Variants in VPS13B observed in about 807,000 individuals in gnomAD.
VPS13B encodes intermembrane lipid transfer protein VPS13B.
In VPS13B, 285 loss-of-function variants were observed where a neutral mutation model predicts 426.4. That is an observed-to-expected ratio of 0.67 (90% CI 0.61 to 0.74). VPS13B has a LOEUF of 0.74. Among genes scored for constraint, VPS13B ranks in the 30% least tolerant of loss-of-function variants. VPS13B has a pLI of 0.00. For missense variants in VPS13B, 4,537 were observed against 4,782.6 expected (o/e 0.95, Z 1.51); for synonymous variants, 1,676 against 1,676.4 (o/e 1.00, Z 0.01).
At chr8:99,240,068 A>G (rs1337616909) in intron 17 of VPS13B, among the ~76,000 whole-genome samples, 1 of 152,130 alleles carries the variant, frequency 6.6e-6, no homozygotes, top group East Asian at 1.9e-4. Context: ...CTTGATTACT[A>G]ACTCTTTGAC....
intron 21 of VPS13B, among the ~76,000 whole-genome samples, chr8:99,423,601 C>T (rs1429167311): frequency 1.3e-5 from 2 of 151,908 alleles, no homozygotes; most frequent in Non-Finnish European, 2.9e-5. Flanking sequence ...TATAAATTGC[C>T]CTCTGTTGCA....
chr8:99,312,324 G>A (rs1302026108), intron 19 of VPS13B, among the ~76,000 whole-genome samples: 1 of 152,178 alleles, frequency 6.6e-6, no homozygotes, highest in South Asian at 2.1e-4. Flanking sequence ...TCCTTTCCAT[G>A]TTTATTGCTT....
intron 39 of VPS13B, among the ~76,000 whole-genome samples, chr8:99,725,045 C>T (rs1259446664): frequency 1.3e-5 from 2 of 152,178 alleles, no homozygotes; most frequent in East Asian, 3.8e-4. Flanking sequence ...AATTCCTCCC[C>T]ACACTTCAGA....
At chr8:99,424,907 C>T (rs536865273) in intron 21 of VPS13B, among the ~76,000 whole-genome samples, 1 of 152,248 alleles carries the variant, frequency 6.6e-6, no homozygotes, top group East Asian at 1.9e-4. Context: ...CACAGAAATA[C>T]ACACTACCAT....
chr8:99,606,194 C>T (rs1252595883), intron 33 of VPS13B, among the ~76,000 whole-genome samples: 1 of 152,134 alleles, frequency 6.6e-6, no homozygotes, highest in Non-Finnish European at 1.5e-5. Flanking sequence ...GCATGTCCAG[C>T]AGCCCGGGCT....
chr8:99,528,407 G>A (rs1822761882), intron 30 of VPS13B, among the ~76,000 whole-genome samples: 1 of 151,986 alleles, frequency 6.6e-6, no homozygotes, highest in African/African-American at 2.4e-5. Flanking sequence ...TGCTTATGAT[G>A]ACTAGACACC....
intron 4 of VPS13B, among the ~76,000 whole-genome samples, chr8:99,100,174 A>G (rs754489431): frequency 1.1e-4 from 16 of 152,206 alleles, no homozygotes; most frequent in Non-Finnish European, 1.5e-4. Context: ...TTAGTAAGGA[A>G]ACAGTGATAG....
At chr8:99,194,430 G>A (rs770727691) in intron 17 of VPS13B, among the ~76,000 whole-genome samples, 4 of 151,778 alleles carry the variant, frequency 2.6e-5, no homozygotes, top group Non-Finnish European at 4.4e-5. Flanking sequence ...ACTCCATTCC[G>A]CCTACGTTTG....
At chr8:99,255,352 A>G (rs1372092439) in intron 17 of VPS13B, among the ~76,000 whole-genome samples, 1 of 152,014 alleles carries the variant, frequency 6.6e-6, no homozygotes, top group African/African-American at 2.4e-5. Flanking sequence ...TTTCTGTGAT[A>G]GTTTTACCGT....
intron 8 of VPS13B, among the ~76,000 whole-genome samples, chr8:99,129,304 C>A (rs1809621619): frequency 1.3e-5 from 2 of 150,954 alleles, no homozygotes; most frequent in South Asian, 2.1e-4. Flanking sequence ...AATAAAAAGG[C>A]AACTGTTGAT....
intron 33 of VPS13B, among the ~76,000 whole-genome samples, chr8:99,589,841 G>A (rs552122917): frequency 1.3e-5 from 2 of 152,284 alleles, no homozygotes; most frequent in South Asian, 2.1e-4. Flanking sequence ...TCAGGATGAT[G>A]TTGGCCTCAT....
intron 35 of VPS13B, among the ~76,000 whole-genome samples, chr8:99,668,143 C>G (rs1830559508): frequency 6.6e-6 from 1 of 151,984 alleles, no homozygotes; most frequent in African/African-American, 2.4e-5. Flanking sequence ...TTAGTAATTT[C>G]CACCTATTTT....
rs1491380713 is a variant in VPS13B, at chr8:99,832,342, T to TTTTTTTC, written c.9331-21_9331-20insCTTTTTT. The TTTTTTTC allele has an allele frequency of 9.1e-6, 3 of 329,150 alleles. No individual in the cohort carries two copies. The African/African-American group carries it at 1.1e-4, about 12-fold the overall frequency. The allele number at this position is 329,150 out of a possible 1,614,324, so 20.4% of individuals were successfully genotyped here. On this transcript the variant is annotated intron_variant, in intron 51 of 61. Coordinates refer to ENST00000357162, the MANE Select transcript of VPS13B (RefSeq NM_152564.5). ...TACTGTAGCTAATGTGCTCTCTGCA[T>TTTTTTTC]TTTTTTTTTTTTTTTTTTTTTTTTA...
chr8:99,345,833 G>A (rs1246430028), intron 19 of VPS13B, among the ~76,000 whole-genome samples: 1 of 152,182 alleles, frequency 6.6e-6, no homozygotes, highest in Non-Finnish European at 1.5e-5. Flanking sequence ...GCAAGGGGCT[G>A]AAAATTAAGA....
At chr8:99,449,034 T>G (rs1290177694) in intron 23 of VPS13B, among the ~76,000 whole-genome samples, 1 of 152,266 alleles carries the variant, frequency 6.6e-6, no homozygotes, top group African/African-American at 2.4e-5. Context: ...TTGGGGGTAA[T>G]TGGATAAAGT....
At chr8:99,069,836 A>G (rs906136213) in intron 3 of VPS13B, among the ~76,000 whole-genome samples, 3 of 152,246 alleles carry the variant, frequency 2.0e-5, no homozygotes, top group Admixed American at 6.5e-5. Flanking sequence ...CATTTGAAAA[A>G]AATTCTCTTG....
chr8:99,640,049 G>GAAGAAGAAGAAGAAGAAGAGAAA, intron 33 of VPS13B, among the ~76,000 whole-genome samples: 1 of 99,726 alleles, frequency 1.0e-5, no homozygotes, highest in African/African-American at 4.1e-5. Context: ...AGAAGAAGAA[G>GAAGAAGAAGAAGAAGAAGAGAAA]AGAAAAGAAA....
intron 3 of VPS13B, among the ~76,000 whole-genome samples, chr8:99,059,915 T>C (rs1244476167): frequency 1.3e-5 from 2 of 151,952 alleles, no homozygotes; most frequent in African/African-American, 2.4e-5. Context: ...GTATTTTTTT[T>C]CGTAGAGACG....
chr8:99,629,953 G>C (rs1828773001), intron 33 of VPS13B, among the ~76,000 whole-genome samples: 1 of 152,094 alleles, frequency 6.6e-6, no homozygotes, highest in African/African-American at 2.4e-5. Flanking sequence ...TTTTGTCACT[G>C]ACTTGCTTGA....
Sources: allele counts gnomAD v4.1 joint callset (sites outside exome capture counted in the v4.1 genomes callset), GRCh38; gene constraint gnomAD v4.1.1; transcripts MANE v1.5; gene names NCBI Gene and HGNC (gene_info 2026-07-23, HGNC 2026-07-21).